The following ABHD6 variants were observed in gnomAD, a reference collection of about 807,000 sequenced individuals.
ABHD6 encodes abhydrolase domain containing 6, acylglycerol lipase.
In ABHD6, 33 loss-of-function variants were observed where a neutral mutation model predicts 38.8. The ratio of observed to expected loss-of-function variants is 0.85; its 90% confidence interval spans 0.64 to 1.14. ABHD6 has a LOEUF of 1.14. ABHD6 is among the 50% of genes most tolerant of loss of function. The pLI, the probability that ABHD6 is intolerant of heterozygous loss-of-function variation, is 0.00. For missense variants in ABHD6, 380 were observed against 422.6 expected (o/e 0.90, Z 0.88); for synonymous variants, 147 against 161.6 (o/e 0.91, Z 0.69).
chr3:58,247,449 T>C (rs1195115258), intron 1 of ABHD6, among the ~76,000 whole-genome samples: 1 of 152,266 alleles, frequency 6.6e-6, no homozygotes, highest in Non-Finnish European at 1.5e-5. Flanking sequence ...AAGATTCGAA[T>C]TTTAAATTTT....
Position 58,285,437 on chromosome 3 carries a change from G to T in ABHD6, c.821G>T (p.Trp274Leu), listed in dbSNP as rs747904047. 1.2e-6 allele frequency: 2 copies of T among 1,614,022 alleles called. No individual in the cohort carries two copies. Among genetic ancestry groups the T allele is most frequent in the Non-Finnish European group, 1.7e-6 (2 of 1,179,896 alleles). The change falls in exon 9 of 10, where the codon TGG (tryptophan) becomes TTG (leucine). Residue 274 changes from tryptophan (W) to leucine (L), a missense_variant. Coordinates refer to ENST00000478253, the MANE Select transcript of ABHD6 (RefSeq NM_001320126.2). This position sits in a 1 kb window ranked among gnomAD's most constrained non-coding sequence, Gnocchi z 4.9. ...ATCAAGGTTCCGACGCAGATCATCT[G>T]GGGGAAACAAGACCAGGTATGTAAC... ...DKIKVPTQII[W>L]GKQDQVLDVS... is the part of the protein sequence containing the mutation.
At chr3:58,248,335 T>C (rs2097427802) in intron 1 of ABHD6, among the ~76,000 whole-genome samples, 1 of 152,230 alleles carries the variant, frequency 6.6e-6, no homozygotes, top group African/African-American at 2.4e-5. Flanking sequence ...CCATTATGAA[T>C]ACTATTGTAA....
intron 1 of ABHD6, among the ~76,000 whole-genome samples, chr3:58,243,431 A>G (rs996900042): frequency 1.3e-5 from 2 of 152,142 alleles, no homozygotes; most frequent in Non-Finnish European, 2.9e-5. Flanking sequence ...TGAAATAGAG[A>G]TTACTGGGGG....
intron 9 of ABHD6, among the ~76,000 whole-genome samples, chr3:58,288,050 A>G (rs942092043): frequency 6.6e-5 from 10 of 152,220 alleles, no homozygotes; most frequent in African/African-American, 2.4e-4. Context: ...GTTTCATTCC[A>G]GAAAAAGAGC....
At chr3:58,244,429 T>C (rs776540414) in intron 1 of ABHD6, among the ~76,000 whole-genome samples, 4 of 152,098 alleles carry the variant, frequency 2.6e-5, no homozygotes, top group African/African-American at 4.8e-5. Context: ...TGGAAGGACT[T>C]ATCATACCGT....
At chr3:58,291,027 C>T (rs1388910941) in intron 9 of ABHD6, among the ~76,000 whole-genome samples, 2 of 151,342 alleles carry the variant, frequency 1.3e-5, no homozygotes, top group African/African-American at 4.9e-5. Flanking sequence ...CCAAGGCAGG[C>T]GGCTGGGAGG....
intron 9 of ABHD6, among the ~76,000 whole-genome samples, chr3:58,289,010 T>A (rs2097459500): frequency 6.6e-6 from 1 of 152,138 alleles, no homozygotes; most frequent in Non-Finnish European, 1.5e-5. Context: ...TGTGAAGCAA[T>A]GCAGGAAAAG....
At chr3:58,276,764 T>C (rs1232361773) in intron 7 of ABHD6, among the ~76,000 whole-genome samples, 2 of 152,254 alleles carry the variant, frequency 1.3e-5, no homozygotes, top group African/African-American at 4.8e-5. Flanking sequence ...CATTTAAGTC[T>C]TTAATCCATC....
At chr3:58,286,848 G>GTATATATATATATATATATATATATA (rs60071781) in intron 9 of ABHD6, among the ~76,000 whole-genome samples, 19 of 70,056 alleles carry the variant, frequency 2.7e-4, no homozygotes, top group East Asian at 1.8e-3. Flanking sequence ...GTGTGTGTGT[G>GTATATATATATATATATATATATATA]TGTGTATATA....
rs1466784475 is a variant in ABHD6, at chr3:58,290,547, C to T, written c.838-3042C>T. ...CCCCCCACCTCCCTCCCGGACGGGT[C>T]GGCTGCCAGGCGGAGAGGCTCCTCA... On this transcript the variant is annotated intron_variant, in intron 9 of 9. Transcript: ENST00000478253. Among the ~76,000 whole-genome samples, 15 of 123,154 alleles carry T rather than the reference C, an allele frequency of 1.2e-4. 1 individual carries two copies. The highest frequency in any genetic ancestry group is 2.0e-4 in the Non-Finnish European group (12 of 59,268). The allele number at this position is 123,154 out of a possible 152,430, so 80.8% of individuals were successfully genotyped here.
intron 3 of ABHD6, among the ~76,000 whole-genome samples, chr3:58,260,113 C>A (rs1435419420): frequency 1.3e-5 from 2 of 152,142 alleles, no homozygotes; most frequent in African/African-American, 4.8e-5. Flanking sequence ...TTGTTTCCAC[C>A]TTTTGGCTAT....
At chr3:58,289,857 G>A (rs1412802616) in intron 9 of ABHD6, among the ~76,000 whole-genome samples, 1 of 120,898 alleles carries the variant, frequency 8.3e-6, no homozygotes, top group Non-Finnish European at 1.7e-5. Flanking sequence ...GGCTGGCCGG[G>A]TAGGGGGCTG....
In ABHD6 at chr3:58,265,837, C is replaced by T. The variant is rs571483724; in HGVS notation, c.120-1352C>T. On this transcript the variant is annotated intron_variant, in intron 3 of 9. Coordinates refer to ENST00000478253, the MANE Select transcript of ABHD6 (RefSeq NM_001320126.2). The surrounding 1 kb of genome is among the most constrained non-coding windows in gnomAD (Gnocchi z 4.2). The stretch of plus-strand genomic sequence containing the variant: ...AGAGTGAGCCAGAAGCAAGAGGGGA[C>T]CAGACTCACTTTTATCAGGAATCTA... Among the ~76,000 whole-genome samples, 1 of 152,130 alleles carries T rather than the reference C, an allele frequency of 6.6e-6. No homozygotes were observed. The highest frequency in any genetic ancestry group is 1.5e-5 in the Non-Finnish European group (1 of 68,024).
chr3:58,250,494 T>C (rs1026940853), intron 2 of ABHD6, among the ~76,000 whole-genome samples: 1 of 152,064 alleles, frequency 6.6e-6, no homozygotes, highest in African/African-American at 2.4e-5. Context: ...CTGGTGTGAA[T>C]TGAGAAGATT....
intron 7 of ABHD6, among the ~76,000 whole-genome samples, chr3:58,278,386 G>A (rs143637423): frequency 1.9e-4 from 29 of 152,276 alleles, no homozygotes; most frequent in Non-Finnish European, 2.2e-4. Context: ...GTTAATTTGC[G>A]TAGAGGTGTT....
At chr3:58,253,885 G>T (rs1354343655) in intron 2 of ABHD6, among the ~76,000 whole-genome samples, 2 of 152,156 alleles carry the variant, frequency 1.3e-5, no homozygotes, top group African/African-American at 4.8e-5. Context: ...CTGTACTTAG[G>T]TAGAGTATGG....
intron 1 of ABHD6, among the ~76,000 whole-genome samples, chr3:58,240,219 C>T (rs762277095): frequency 5.3e-5 from 8 of 151,918 alleles, no homozygotes; most frequent in Non-Finnish European, 1.2e-4. Context: ...TGGAAATCAG[C>T]TTCACTATGT....
In ABHD6 at chr3:58,254,881, CACAT is replaced by C. The variant is rs1198715857; in HGVS notation, c.-25-1679_-25-1676del. Among the ~76,000 whole-genome samples, 1,213 of 138,940 alleles carry C rather than the reference CACAT, an allele frequency of 8.7e-3. 20 individuals carry two copies. Among genetic ancestry groups the C allele is most frequent in the African/African-American group, 0.03 (1,112 of 36,478 alleles). 91.2% of individuals were successfully genotyped at this position (138,940 alleles called of 152,430 possible). On this transcript the variant is annotated intron_variant, in intron 2 of 9. Coordinates refer to ENST00000478253, the MANE Select transcript of ABHD6 (RefSeq NM_001320126.2). ...ACACACACACACACACACACACACACACATATATATATATAAAATAGAGATGAGG... is the reference window on the plus strand; with the variant it reads ...ACACACACACACACACACACACACACATATATATATAAAATAGAGATGAGG...
intron 1 of ABHD6, among the ~76,000 whole-genome samples, chr3:58,242,925 A>G (rs941192647): frequency 6.6e-6 from 1 of 151,964 alleles, no homozygotes; most frequent in Non-Finnish European, 1.5e-5. Context: ...CCTGTGTCCA[A>G]GTGTTTTCAT....
Sources: allele counts gnomAD v4.1 joint callset (sites outside exome capture counted in the v4.1 genomes callset), GRCh38; gene constraint gnomAD v4.1.1; non-coding constraint Gnocchi (gnomAD v3.1); transcripts MANE v1.5; gene names NCBI Gene and HGNC (gene_info 2026-07-23, HGNC 2026-07-21).